Variants in PPP2R2B observed in about 807,000 individuals in gnomAD.
PPP2R2B encodes the protein serine/threonine-protein phosphatase 2A 55 kDa regulatory subunit B beta isoform.
A neutral mutation model predicts 46.0 loss-of-function variants in PPP2R2B; 5 were observed. The ratio of observed to expected loss-of-function variants is 0.11; its 90% CI spans 0.06 to 0.23. The LOEUF is 0.23. PPP2R2B is among the 10% of genes least tolerant of loss of function. The pLI is 1.00. For missense variants in PPP2R2B, 367 were observed against 575.0 expected (o/e 0.64, Z 3.70); for synonymous variants, 215 against 206.7 (o/e 1.04, Z -0.34).
At chr5:146,818,916 AG>A (rs1306189636) in intron 2 of PPP2R2B, among the ~76,000 whole-genome samples, 2 of 152,178 alleles carry the variant, frequency 1.3e-5, no homozygotes, top group Non-Finnish European at 1.5e-5. Context: ...GGCCTGCAAA[AG>A]TTTCTGACCA....
At chr5:146,675,789 T>C (rs901884292) in intron 5 of PPP2R2B, among the ~76,000 whole-genome samples, 1 of 152,058 alleles carries the variant, frequency 6.6e-6, no homozygotes, top group Non-Finnish European at 1.5e-5. Context: ...CTCTTTTTTA[T>C]GGTTCTGCAC....
intron 1 of PPP2R2B, among the ~76,000 whole-genome samples, chr5:147,029,829 G>T (rs536168676): frequency 6.6e-6 from 1 of 152,068 alleles, no homozygotes; most frequent in African/African-American, 2.4e-5. Flanking sequence ...AACCCATCCC[G>T]CCAGCACCTT....
At chr5:147,023,326 T>C (rs1452944571) in intron 1 of PPP2R2B, among the ~76,000 whole-genome samples, 2 of 151,958 alleles carry the variant, frequency 1.3e-5, no homozygotes, top group Non-Finnish European at 2.9e-5. Flanking sequence ...ATAATTAATA[T>C]GAATGAAGTC....
chr5:146,696,194 C>T (rs771293845), intron 4 of PPP2R2B, among the ~76,000 whole-genome samples: 29 of 151,778 alleles, frequency 1.9e-4, no homozygotes, highest in Non-Finnish European at 3.1e-4. Flanking sequence ...AGCCCCGCCT[C>T]CTGGATTCAC....
chr5:146,596,113 T>A (rs558417074), intron 8 of PPP2R2B, among the ~76,000 whole-genome samples: 1 of 152,216 alleles, frequency 6.6e-6, no homozygotes, highest in South Asian at 2.1e-4. Context: ...GAAGCAGCCA[T>A]AGAAGATATG....
chr5:146,800,180 C>T (rs569274441), intron 2 of PPP2R2B, among the ~76,000 whole-genome samples: 6 of 152,146 alleles, frequency 3.9e-5, no homozygotes, highest in East Asian at 1.9e-4. Context: ...AGAGGATTTT[C>T]TGTAATTTCC....
At chr5:146,922,198 A>G (rs1227111918) in intron 1 of PPP2R2B, 1 of 152,242 alleles carries the variant, frequency 6.6e-6, no homozygotes, top group Admixed American at 6.5e-5. Context: ...AATATCAATT[A>G]GCTTCTGCAT....
intron 2 of PPP2R2B, among the ~76,000 whole-genome samples, chr5:146,838,948 A>T (rs1759459966): frequency 6.6e-6 from 1 of 152,182 alleles, no homozygotes. Context: ...CTGAAAAGTG[A>T]ATGTCCATCC....
At chr5:146,607,153 A>G (rs905490393) in intron 7 of PPP2R2B, 1 of 152,192 alleles carries the variant, frequency 6.6e-6, no homozygotes, top group African/African-American at 2.4e-5. Context: ...AGTAATTTTT[A>G]CTATACAGAA....
chr5:146,772,849 A>G (rs1388417655), intron 2 of PPP2R2B, among the ~76,000 whole-genome samples: 1 of 152,212 alleles, frequency 6.6e-6, no homozygotes, highest in African/African-American at 2.4e-5. Flanking sequence ...ACAAAGGAAT[A>G]TGGATAGAAA....
chr5:146,816,885 G>A (rs1204992270), intron 2 of PPP2R2B, among the ~76,000 whole-genome samples: 2 of 152,168 alleles, frequency 1.3e-5, no homozygotes, highest in African/African-American at 4.8e-5. Flanking sequence ...TAAAAAGACT[G>A]TCAGGTGATT....
chr5:146,961,171 AGTT>A (rs1279915816), intron 1 of PPP2R2B, among the ~76,000 whole-genome samples: 1 of 152,206 alleles, frequency 6.6e-6, no homozygotes, highest in African/African-American at 2.4e-5. Flanking sequence ...TCCATTATGC[AGTT>A]GTACCATAAT....
In PPP2R2B at chr5:146,583,899, C is replaced by T. The variant is rs953946375; in HGVS notation, c.*6048G>A. On this transcript the variant is annotated 3_prime_UTR_variant, in exon 10 of 10. Transcript: ENST00000394411. ...TAGCCAACCAGAGCAAGAATCACAGCAATCATGGCTTGTTCCTACAATTTC... is the reference window on the plus strand; with the variant it reads ...TAGCCAACCAGAGCAAGAATCACAGTAATCATGGCTTGTTCCTACAATTTC... 1 of 152,198 alleles carries T rather than the reference C, an allele frequency of 6.6e-6. No homozygotes were observed. Among genetic ancestry groups the T allele is most frequent in the Non-Finnish European group, 1.5e-5 (1 of 68,046 alleles). 9.4% of individuals were successfully genotyped at this position (152,198 alleles called of 1,614,324 possible).
intron 5 of PPP2R2B, among the ~76,000 whole-genome samples, chr5:146,665,110 G>T (rs888440772): frequency 3.3e-5 from 5 of 152,168 alleles, no homozygotes; most frequent in Admixed American, 1.3e-4. Flanking sequence ...GTGAACATTA[G>T]CTTCAACTTA....
chr5:147,008,799 G>A (rs1754573718), intron 1 of PPP2R2B, among the ~76,000 whole-genome samples: 1 of 152,140 alleles, frequency 6.6e-6, no homozygotes, highest in South Asian at 2.1e-4. Flanking sequence ...CACTGAAGGA[G>A]CTCAACTCTA....
At chr5:147,021,760 T>G (rs1755277717) in intron 1 of PPP2R2B, among the ~76,000 whole-genome samples, 1 of 152,168 alleles carries the variant, frequency 6.6e-6, no homozygotes, top group Non-Finnish European at 1.5e-5. Flanking sequence ...ATCTAGATAC[T>G]CAACAACATA....
intron 2 of PPP2R2B, among the ~76,000 whole-genome samples, chr5:146,758,553 G>A (rs1018256140): frequency 2.0e-5 from 3 of 151,982 alleles, no homozygotes; most frequent in Admixed American, 1.3e-4. Context: ...TATTTCATTA[G>A]CCAATTCACT....
At chr5:146,736,877 T>G (rs1752569492) in intron 2 of PPP2R2B, among the ~76,000 whole-genome samples, 1 of 152,158 alleles carries the variant, frequency 6.6e-6, no homozygotes, top group African/African-American at 2.4e-5. Flanking sequence ...TAACATACAT[T>G]TACTCTCTAA....
chr5:146,753,119 C>T (rs1045340388), intron 2 of PPP2R2B, among the ~76,000 whole-genome samples: 3 of 152,092 alleles, frequency 2.0e-5, no homozygotes, highest in Non-Finnish European at 4.4e-5. Context: ...GGGTTCAGAA[C>T]CTGGATAAGA....
Sources: allele counts gnomAD v4.1 joint callset (sites outside exome capture counted in the v4.1 genomes callset), GRCh38; gene constraint gnomAD v4.1.1; transcripts MANE v1.5; gene names NCBI Gene and HGNC (gene_info 2026-07-23, HGNC 2026-07-21).